The following ACADM variants were observed in gnomAD, a reference collection of about 807,000 sequenced individuals.
ACADM encodes the protein acyl-CoA dehydrogenase medium chain, also known as medium-chain specific acyl-CoA dehydrogenase, mitochondrial.
In ACADM, 49 loss-of-function variants were observed where a neutral mutation model predicts 58.9. That is an observed-to-expected ratio of 0.83 (90% confidence interval 0.66 to 1.06). The LOEUF is 1.06. ACADM is among the 50% of genes least tolerant of loss of function. The pLI, the probability that ACADM is intolerant of heterozygous loss-of-function variation, is 0.00. For missense variants in ACADM, 496 were observed against 507.0 expected, an observed-to-expected ratio of 0.98 and a Z score of 0.21; for synonymous variants, 160 against 157.7, an observed-to-expected ratio of 1.01 and a Z score of -0.11.
intron 1 of ACADM, among the ~76,000 whole-genome samples, chr1:75,725,065 T>A (rs1647028255): frequency 6.6e-6 from 1 of 152,130 alleles, no homozygotes; most frequent in African/African-American, 2.4e-5. Context: ...CTTTAGAATA[T>A]CGTTTTTCTT....
chr1:75,740,239 A>G, intron 7 of ACADM, 129 bp downstream of exon 7: 1 of 888,768 alleles, frequency 1.1e-6, no homozygotes. Context: ...CCTAAAGGAG[A>G]TTATAAACAG....
intron 10 of ACADM, among the ~76,000 whole-genome samples, chr1:75,751,820 G>A (rs1162686612): frequency 6.6e-6 from 1 of 151,868 alleles, no homozygotes; most frequent in Non-Finnish European, 1.5e-5. Flanking sequence ...CTTAATTCTT[G>A]TTACTTCCCA....
chr1:75,750,000 C>A (rs113921450), intron 9 of ACADM, among the ~76,000 whole-genome samples: 1 of 152,004 alleles, frequency 6.6e-6, no homozygotes, highest in Admixed American at 6.6e-5. Context: ...CGTGAGCCAC[C>A]GCGCCTGACC....
At chr1:75,757,315 A>C (rs1459573626) in intron 10 of ACADM, among the ~76,000 whole-genome samples, 1 of 152,244 alleles carries the variant, frequency 6.6e-6, no homozygotes, top group Non-Finnish European at 1.5e-5. Context: ...CCCATCTGAC[A>C]AAGGGCTAAT....
chr1:75,759,661 T>TC (rs1360414580), intron 10 of ACADM, among the ~76,000 whole-genome samples: 1 of 146,284 alleles, frequency 6.8e-6, no homozygotes, highest in Non-Finnish European at 1.5e-5. Context: ...ACTTTCTTTT[T>TC]TTTTTTTTTT....
At chr1:75,745,022 T>C (rs1647814806) in intron 7 of ACADM, among the ~76,000 whole-genome samples, 1 of 152,214 alleles carries the variant, frequency 6.6e-6, no homozygotes, top group African/African-American at 2.4e-5. Context: ...GCAGGATACA[T>C]TCCAGGACCC....
Position 75,750,831 on chromosome 1 carries a change from C to T in ACADM, c.945+285C>T, listed in dbSNP as rs1002209782. 101 of 444,954 alleles carry T rather than the reference C, an allele frequency of 2.3e-4. No homozygotes were observed. In the East Asian group the frequency reaches 4.8e-3, roughly 21 times the overall value. The allele number at this position is 444,954 out of a possible 1,614,324, so 27.6% of individuals were successfully genotyped here. A position where few individuals can be genotyped will look rare whatever the true frequency, so the allele number is the denominator to read the frequency against. On this transcript the variant is annotated intron_variant, in intron 10 of 11. Transcript: ENST00000370841. ...TGGCACAATCTCGGTTCACCACAGT[C>T]TCCGCCTCCCGAGTTCGAGTAATTC... is the stretch of plus-strand genomic sequence containing the variant.
At chr1:75,729,284 C>CTTTT (rs1647105645) in intron 2 of ACADM, among the ~76,000 whole-genome samples, 1 of 70,926 alleles carries the variant, frequency 1.4e-5, no homozygotes, top group Non-Finnish European at 2.9e-5. Flanking sequence ...CTTTTTCTTT[C>CTTTT]TTTCTTTTTT....
intron 6 of ACADM, among the ~76,000 whole-genome samples, chr1:75,739,538 T>C (rs1168409535): frequency 6.6e-6 from 1 of 152,226 alleles, no homozygotes; most frequent in Non-Finnish European, 1.5e-5. Context: ...GCACTGTGGC[T>C]CATACCTGTA....
chr1:75,725,490 T>C (rs549056380), intron 1 of ACADM, among the ~76,000 whole-genome samples: 1 of 152,218 alleles, frequency 6.6e-6, no homozygotes, highest in Non-Finnish European at 1.5e-5. Flanking sequence ...TTGCTGGTGT[T>C]ATGCAAGTTA....
rs1557466604 is a variant in ACADM at position 75,761,126 on chromosome 1, A to T, written c.950A>T (p.Gln317Leu). Reference protein sequence around the residue: ...KTFGKLLVEHQAISFMLAEMA... With the variant: ...KTFGKLLVEHLAISFMLAEMA... Reference sequence around the variant, plus strand: ...TTTTTTTCTTTTTAATTCTAGCACCAAGCAATATCATTTATGCTGGCTGAA... The same window carrying T: ...TTTTTTTCTTTTTAATTCTAGCACCTAGCAATATCATTTATGCTGGCTGAA... Residue 317 changes from glutamine (Q) to leucine (L), a missense_variant, in exon 11 of 12, where the codon CAA becomes CTA. Coordinates refer to ENST00000370841, the MANE Select transcript of ACADM (RefSeq NM_000016.6). 1 of 1,613,888 alleles carries T rather than the reference A, an allele frequency of 6.2e-7. No homozygotes were observed. Among genetic ancestry groups the T allele is most frequent in the Non-Finnish European group, 8.5e-7 (1 of 1,179,866 alleles).
rs150736427 is a variant in ACADM, at chr1:75,751,421, A to G, written c.945+875A>G. On this transcript the variant is annotated intron_variant, in intron 10 of 11. Transcript: ENST00000370841. The stretch of plus-strand genomic sequence containing the variant: ...TGTTATCTCTTTTAAGGATCAAGAA[A>G]CTGAAGCTCAGAGGTATTAAATGAT... 6.5e-3 allele frequency among the ~76,000 whole-genome samples: 984 copies of G among 151,720 alleles called. 16 individuals are homozygous for G. Among genetic ancestry groups the G allele is most frequent in the Admixed American group, 0.035 (529 of 15,240 alleles).
intron 10 of ACADM, among the ~76,000 whole-genome samples, chr1:75,759,398 A>G (rs17587071): frequency 3.3e-5 from 5 of 152,102 alleles, no homozygotes; most frequent in African/African-American, 1.2e-4. Context: ...CCTAGCAGAC[A>G]AAAGACAGCA....
In ACADM at chr1:75,731,101, C is replaced by T. The variant is rs572237716; in HGVS notation, c.119-1543C>T. Among the ~76,000 whole-genome samples the T allele has an allele frequency of 2.1e-3, 316 of 151,160 alleles. 2 individuals carry two copies. Among genetic ancestry groups the T allele is most frequent in the African/African-American group, 7.1e-3 (293 of 41,230 alleles). ...GAAGATCGAGATCCTGGTGAAACCC[C>T]GTCTCTACTAAAAATACAAAAAAAA... is the stretch of plus-strand genomic sequence containing the variant. On this transcript the variant is annotated intron_variant, in intron 2 of 11. Coordinates refer to ENST00000370841, the MANE Select transcript of ACADM (RefSeq NM_000016.6).
In ACADM at chr1:75,740,003, A is replaced by G; in HGVS notation, c.492A>G (p.Gly164=). 6.2e-7 allele frequency: 1 copy of G among 1,611,828 alleles called. No homozygotes were observed. ...LMCAYCVTEP[G]AGSDVAGIKT... is the part of the protein sequence containing the mutation. Reference sequence around the variant, plus strand: ...AGGCTTATTGTGTAACAGAACCTGGAGCAGGCTCTGATGTAGCTGGTATAA... The same window carrying G: ...AGGCTTATTGTGTAACAGAACCTGGGGCAGGCTCTGATGTAGCTGGTATAA... The change falls in exon 7 of 12, where the codon GGA becomes GGG. Residue 164 remains glycine, a synonymous_variant. Coordinates refer to ENST00000370841, the MANE Select transcript of ACADM (RefSeq NM_000016.6).
chr1:75,750,941 G>C, intron 10 of ACADM: 2 of 297,502 alleles, frequency 6.7e-6, no homozygotes, highest in South Asian at 3.2e-5. Flanking sequence ...TAGAGATGGG[G>C]TTTCACTATG....
chr1:75,728,865 G>T (rs1647098345), intron 2 of ACADM, among the ~76,000 whole-genome samples: 1 of 152,098 alleles, frequency 6.6e-6, no homozygotes, highest in Non-Finnish European at 1.5e-5. Flanking sequence ...CTGGTAATAA[G>T]CTAAAGCTTG....
chr1:75,759,656 CT>C (rs34394777), intron 10 of ACADM, among the ~76,000 whole-genome samples: 18,438 of 87,262 alleles, frequency 0.21, 930 homozygotes, highest in Non-Finnish European at 0.26. Context: ...TAGCAACTTT[CT>C]TTTTTTTTTT....
At chr1:75,761,039 A>C (rs74090743) in intron 10 of ACADM, 83 bp from the exon 11 acceptor site, 33 of 1,353,128 alleles carry the variant, frequency 2.4e-5, no homozygotes, top group Middle Eastern at 2.3e-4. Flanking sequence ...AGACCCCGTC[A>C]CTATAAAAAT....
Sources: gnomAD v4.1 joint callset for allele counts (sites outside exome capture counted in the v4.1 genomes callset) on GRCh38, gnomAD v4.1.1 for gene constraint, MANE v1.5 for transcripts, NCBI Gene and HGNC (gene_info 2026-07-23, HGNC 2026-07-21) for gene names.